The following AFF2 variants were observed in gnomAD, a reference collection of about 807,000 sequenced individuals.
The protein encoded by AFF2 is AF4/FMR2 family member 2.
Under a neutral mutation model 76.9 loss-of-function variants are expected in AFF2, and 14 were observed. That is an observed-to-expected ratio of 0.18 (90% CI 0.12 to 0.28). AFF2 has a LOEUF of 0.28. AFF2 is among the 10% of genes least tolerant of loss of function. The pLI, the probability that AFF2 is intolerant of heterozygous loss-of-function variation, is 1.00. For missense variants in AFF2, 868 were observed against 1,001.1 expected, an observed-to-expected ratio of 0.87 and a Z score of 1.79; for synonymous variants, 398 against 366.7, an observed-to-expected ratio of 1.09 and a Z score of -0.98.
intron 3 of AFF2, among the ~76,000 whole-genome samples, chrX:148,744,695 C>T (rs782191691): frequency 6.3e-5 from 7 of 111,908 alleles, no homozygotes; most frequent in East Asian, 2.8e-4. Context: ...CACATGCCAG[C>T]GATCTAAGAG....
intron 15 of AFF2, among the ~76,000 whole-genome samples, chrX:148,971,126 GTT>G (rs142941450): frequency 2.0e-4 from 14 of 69,102 alleles, no homozygotes; most frequent in Middle Eastern, 7.8e-3. Context: ...TAACTTCATT[GTT>G]TTTTTTTTTT....
chrX:148,525,384 T>C (rs369793451), intron 1 of AFF2, among the ~76,000 whole-genome samples: 16 of 111,984 alleles, frequency 1.4e-4, no homozygotes, highest in African/African-American at 5.2e-4. Context: ...ACAAACAAAA[T>C]TGTAACACTT....
chrX:148,679,851 T>G (rs1326371005), intron 3 of AFF2, among the ~76,000 whole-genome samples: 1 of 112,452 alleles, frequency 8.9e-6, no homozygotes, highest in African/African-American at 3.2e-5. Context: ...AAGTCATTAT[T>G]TAAAATAAGC....
chrX:148,901,471 G>A (rs781929202), intron 8 of AFF2, among the ~76,000 whole-genome samples: 31 of 111,988 alleles, frequency 2.8e-4, no homozygotes, highest in African/African-American at 1.0e-3. Flanking sequence ...TTACTTTAAT[G>A]TATGTTTTTA....
chrX:148,978,953 C>T (rs782023914), intron 18 of AFF2, among the ~76,000 whole-genome samples: 96 of 111,819 alleles, frequency 8.6e-4, no homozygotes, highest in African/African-American at 3.0e-3. Flanking sequence ...GTTACCAAAA[C>T]AAACAAACAA....
At chrX:148,733,551 A>G (rs1603290386) in intron 3 of AFF2, among the ~76,000 whole-genome samples, 1 of 112,119 alleles carries the variant, frequency 8.9e-6, no homozygotes, top group South Asian at 3.7e-4. Flanking sequence ...AGGAGACAAT[A>G]AAGTAATTTT....
At chrX:148,608,569 GCAGTGGCGTGATTGTAGGT>G (rs1557249079) in intron 1 of AFF2, among the ~76,000 whole-genome samples, 1 of 109,183 alleles carries the variant, frequency 9.2e-6, no homozygotes, top group African/African-American at 3.3e-5. Context: ...TAGCTGGAGT[GCAGTGGCGTGATTGTAGGT>G]CACTGTAACC....
chrX:148,750,487 T>C (rs2055484802), intron 3 of AFF2, among the ~76,000 whole-genome samples: 1 of 111,468 alleles, frequency 9.0e-6, no homozygotes, highest in Admixed American at 9.6e-5. Context: ...ATCATTTCAG[T>C]ACTTTAACTT....
intron 2 of AFF2, among the ~76,000 whole-genome samples, chrX:148,657,140 T>G (rs184771548): frequency 3.6e-5 from 4 of 112,033 alleles, no homozygotes; most frequent in Non-Finnish European, 7.5e-5. Flanking sequence ...AGGTCATTTG[T>G]GTTGGGACAC....
intron 1 of AFF2, among the ~76,000 whole-genome samples, chrX:148,638,889 T>C (rs1380948069): frequency 1.8e-5 from 2 of 111,974 alleles, no homozygotes; most frequent in African/African-American, 6.5e-5. Context: ...TCTAAAAACC[T>C]TAAAATAATG....
intron 1 of AFF2, among the ~76,000 whole-genome samples, chrX:148,607,921 T>C (rs2053688672): frequency 8.9e-6 from 1 of 112,181 alleles, no homozygotes; most frequent in Non-Finnish European, 1.9e-5. Context: ...ATTTGCCATG[T>C]GCAGCTTTTC....
chrX:148,715,053 C>A (rs1557263240), intron 3 of AFF2, among the ~76,000 whole-genome samples: 1 of 110,565 alleles, frequency 9.0e-6, no homozygotes, highest in Admixed American at 9.6e-5. Context: ...CCAGGAAAAA[C>A]CAGGAATGCC....
In AFF2 at chrX:148,661,754, A is replaced by G. The variant is rs1265845286; in HGVS notation, c.181-154A>G. Among the ~76,000 whole-genome samples, 17 of 111,749 alleles carry G rather than the reference A, an allele frequency of 1.5e-4. No individual in the cohort carries two copies. The Admixed American group carries it at 1.6e-3, about 11-fold the overall frequency. ...GTGTTCTTGATTTTTTTTCTTACAT[A>G]GCACATGAAAAGCATGAAATTATAT... On this transcript the variant is annotated intron_variant, in intron 2 of 20. Coordinates refer to ENST00000370460, the MANE Select transcript of AFF2 (RefSeq NM_002025.4).
At chrX:148,976,977 G>C (rs1193753194) in intron 16 of AFF2, among the ~76,000 whole-genome samples, 1 of 112,314 alleles carries the variant, frequency 8.9e-6, no homozygotes, top group Non-Finnish European at 1.9e-5. Context: ...GTCTCAGGGG[G>C]TGAGCCTGGG....
At chrX:148,738,482 A>G (rs1391929354) in intron 3 of AFF2, among the ~76,000 whole-genome samples, 1 of 111,728 alleles carries the variant, frequency 9.0e-6, no homozygotes, top group Non-Finnish European at 1.9e-5. Context: ...TTTCACTTCT[A>G]AGTGAGGTTA....
chrX:148,735,345 T>TTTTTG (rs1474414972), intron 3 of AFF2, among the ~76,000 whole-genome samples: 2 of 112,399 alleles, frequency 1.8e-5, no homozygotes, highest in African/African-American at 3.2e-5. Context: ...CAATGTGCAA[T>TTTTTG]TTTTGTTTTG....
At chrX:148,753,062 G>A in intron 3 of AFF2, among the ~76,000 whole-genome samples, 1 of 111,552 alleles carries the variant, frequency 9.0e-6, no homozygotes, top group Middle Eastern at 4.6e-3. Flanking sequence ...CCATTTGTAA[G>A]GCTCACTTCT....
At chrX:148,601,178 T>C (rs1418295335) in intron 1 of AFF2, among the ~76,000 whole-genome samples, 2 of 112,635 alleles carry the variant, frequency 1.8e-5, no homozygotes, top group Non-Finnish European at 3.8e-5. Context: ...GTAGCACATA[T>C]ATTGCTAATG....
intron 9 of AFF2, among the ~76,000 whole-genome samples, chrX:148,953,287 A>C (rs782383518): frequency 8.9e-6 from 1 of 112,000 alleles, no homozygotes; most frequent in East Asian, 2.8e-4. Context: ...AGGCATGCAA[A>C]CTTGGCTTAA....
Sources: allele counts gnomAD v4.1 joint callset (sites outside exome capture counted in the v4.1 genomes callset), GRCh38; gene constraint gnomAD v4.1.1; transcripts MANE v1.5; gene names NCBI Gene and HGNC (gene_info 2026-07-23, HGNC 2026-07-21).